GRAMD4: variants seen among roughly 807,000 people sequenced by gnomAD.
GRAMD4 encodes the protein GRAM domain-containing protein 4.
In GRAMD4, 25 loss-of-function variants were observed where a neutral mutation model predicts 83.9. That is an observed-to-expected ratio of 0.30 (90% CI 0.22 to 0.42). The LOEUF (loss-of-function observed/expected upper bound fraction) is 0.42, where lower values mean the gene tolerates loss of function less well. Among genes scored for constraint, GRAMD4 ranks in the 10% least tolerant of loss-of-function variants. The probability of loss-of-function intolerance (pLI) is 1.00; values close to 1 mark genes in which losing one functional copy is unlikely to be tolerated. For missense variants in GRAMD4, 593 were observed against 788.7 expected, an observed-to-expected ratio of 0.75 and a Z score of 2.97; for synonymous variants, 336 against 320.9, an observed-to-expected ratio of 1.05 and a Z score of -0.50.
chr22:46,623,406 GAC>G (rs1477647108), intron 1 of GRAMD4, among the ~76,000 whole-genome samples: 4 of 151,748 alleles, frequency 2.6e-5, no homozygotes, highest in Admixed American at 6.6e-5. Flanking sequence ...TATTTTTTTT[GAC>G]ACAGAGTCTC....
chr22:46,620,316 G>A (rs993724148), upstream of GRAMD4: 13 of 985,552 alleles, frequency 1.3e-5, no homozygotes, highest in East Asian at 6.8e-4. This position sits in a 1 kb window ranked among gnomAD's most constrained non-coding sequence, Gnocchi z 4.7. Flanking sequence ...CTGGCCGGGC[G>A]CCGCCCTGAG....
chr22:46,644,186 CT>C (rs2082030688), intron 3 of GRAMD4, among the ~76,000 whole-genome samples: 2 of 152,252 alleles, frequency 1.3e-5, no homozygotes, highest in Non-Finnish European at 2.9e-5. Flanking sequence ...ACACTTGCCC[CT>C]GTTCTATGTT....
downstream of GRAMD4, among the ~76,000 whole-genome samples, chr22:46,680,624 ATTCAT>A (rs2082660367): frequency 7.6e-4 from 5 of 6,566 alleles, no homozygotes; most frequent in African/African-American, 1.9e-3. Flanking sequence ...CCACCCACCC[ATTCAT>A]CCCTCCATCC....
intron 17 of GRAMD4, among the ~76,000 whole-genome samples, chr22:46,676,175 G>T (rs112375149): frequency 1.3e-5 from 2 of 152,196 alleles, no homozygotes; most frequent in African/African-American, 2.4e-5. Flanking sequence ...CTCCCACCCG[G>T]CTCTGGAAAA....
exon 1 of GRAMD4, chr22:46,577,271 G>T: frequency 2.0e-6 from 2 of 979,432 alleles, no homozygotes; most frequent in Non-Finnish European, 2.4e-6. Context: ...GATGAGAGTT[G>T]GCCCCGATAT....
chr22:46,650,811 A>G (rs1183069456), intron 3 of GRAMD4, among the ~76,000 whole-genome samples: 1 of 152,104 alleles, frequency 6.6e-6, no homozygotes, highest in Non-Finnish European at 1.5e-5. Context: ...GCTGACTGGA[A>G]GTGGGTGGGG....
intron 1 of GRAMD4, among the ~76,000 whole-genome samples, chr22:46,582,639 G>C (rs918770973): frequency 2.0e-5 from 3 of 152,224 alleles, no homozygotes; most frequent in Non-Finnish European, 2.9e-5. Flanking sequence ...CTGGGCTGTG[G>C]AGTTGGGTAG....
At chr22:46,676,696 G>A (rs1390601148) in intron 18 of GRAMD4, 28 bp downstream of exon 18, 1 of 1,539,438 alleles carries the variant, frequency 6.5e-7, no homozygotes, top group Non-Finnish European at 8.8e-7. Context: ...GGCCGCCAAG[G>A]GGTTGGTGTG....
intron 11 of GRAMD4, 76 bp downstream of exon 11, chr22:46,668,243 C>A: frequency 1.9e-6 from 2 of 1,026,588 alleles, no homozygotes; most frequent in Non-Finnish European, 3.0e-6. Flanking sequence ...CTACGCCGGC[C>A]AGGGGTAGGT....
chr22:46,611,216 C>A (rs143286030), intron 1 of GRAMD4, among the ~76,000 whole-genome samples: 8 of 143,370 alleles, frequency 5.6e-5, no homozygotes, highest in African/African-American at 5.1e-5. Flanking sequence ...AACTCCATCT[C>A]AAAAAAAAAA....
chr22:46,607,435 C>A (rs2081376524), intron 1 of GRAMD4, among the ~76,000 whole-genome samples: 1 of 152,294 alleles, frequency 6.6e-6, no homozygotes, highest in East Asian at 1.9e-4. Flanking sequence ...GAGCCAGGAA[C>A]CAGCCCTCCA....
At chr22:46,661,647 CG>C (rs1281423107) in intron 5 of GRAMD4, among the ~76,000 whole-genome samples, 1 of 152,236 alleles carries the variant, frequency 6.6e-6, no homozygotes, top group Non-Finnish European at 1.5e-5. Flanking sequence ...GTCTCTGATG[CG>C]AAGTGGTGAG....
At chr22:46,620,258 A>C (rs913707759), upstream of GRAMD4, 5 of 967,632 alleles carry the variant, frequency 5.2e-6, no homozygotes, top group African/African-American at 5.3e-5. This position sits in a 1 kb window ranked among gnomAD's most constrained non-coding sequence, Gnocchi z 4.7. Flanking sequence ...TTTGTGTTCC[A>C]GGGCTGGCTG....
chr22:46,622,505 G>T lies in GRAMD4; in HGVS notation c.-50+1940G>T, dbSNP rs1034179777. 1.3e-5 allele frequency among the ~76,000 whole-genome samples: 2 copies of T among 152,136 alleles called. No homozygotes were observed. Among genetic ancestry groups the T allele is most frequent in the African/African-American group, 2.4e-5 (1 of 41,384 alleles). ...AAAATGGTGGTTACCGGGGGCTTGG[G>T]GAGGGCATGGGAGTTCCTATTCAGT... On this transcript the variant is annotated intron_variant, in intron 1 of 18. Coordinates refer to ENST00000406902, the MANE Select transcript of GRAMD4 (RefSeq NM_015124.5). The surrounding 1 kb of genome is among the most constrained non-coding windows in gnomAD (Gnocchi z 4.0).
chr22:46,602,762 C>CTTT (rs534249203), intron 1 of GRAMD4, among the ~76,000 whole-genome samples: 2,468 of 121,324 alleles, frequency 0.02, 192 homozygotes, highest in African/African-American at 0.068. Context: ...CCATTTTTCT[C>CTTT]TTTTTTTTTT....
At chr22:46,682,238 CA>C (rs2082674445), downstream of GRAMD4, among the ~76,000 whole-genome samples, 1 of 152,264 alleles carries the variant, frequency 6.6e-6, no homozygotes, top group Non-Finnish European at 1.5e-5. Flanking sequence ...ACCACTCCCT[CA>C]GACAGGAGCT....
At chr22:46,586,164 T>C (rs2081147639) in intron 1 of GRAMD4, among the ~76,000 whole-genome samples, 1 of 151,592 alleles carries the variant, frequency 6.6e-6, no homozygotes, top group Admixed American at 6.6e-5. Context: ...ATGCCAGCAT[T>C]CTTGGGAATG....
intron 3 of GRAMD4, among the ~76,000 whole-genome samples, chr22:46,653,777 A>G (rs2082201496): frequency 6.6e-6 from 1 of 152,114 alleles, no homozygotes; most frequent in Non-Finnish European, 1.5e-5. Flanking sequence ...AGATCAGAGG[A>G]GGTGATGTGT....
Position 46,662,985 on chromosome 22 carries a change from C to G in GRAMD4, c.467-55C>G, listed in dbSNP as rs1242929344. On this transcript the variant is annotated intron_variant, in intron 5 of 18. Transcript: ENST00000406902. ...CTGCCCTGAGATCCCGGAGCCGACC[C>G]CAGAACAGGCAGTGCAGCCCTGCCG... 1.1e-5 allele frequency: 17 copies of G among 1,524,048 alleles called. No homozygotes were observed. The East Asian group carries it at 2.1e-4, about 18-fold the overall frequency. 94.4% of individuals were successfully genotyped at this position (1,524,048 alleles called of 1,614,324 possible).
Sources: gnomAD v4.1 joint callset for allele counts (sites outside exome capture counted in the v4.1 genomes callset) on GRCh38, gnomAD v4.1.1 for gene constraint, Gnocchi (gnomAD v3.1) non-coding constraint, MANE v1.5 for transcripts, NCBI Gene and HGNC (gene_info 2026-07-23, HGNC 2026-07-21) for gene names.